The following LRRTM3 variants were observed in gnomAD, a reference collection of about 807,000 sequenced individuals.
LRRTM3 encodes the protein leucine-rich repeat transmembrane neuronal protein 3.
Under a neutral mutation model 44.7 loss-of-function variants are expected in LRRTM3, and 24 were observed. That is an observed-to-expected ratio of 0.54 (90% CI 0.39 to 0.76). The LOEUF is 0.76. Among genes scored for constraint, LRRTM3 ranks in the 30% least tolerant of loss-of-function variants. The pLI, the probability that LRRTM3 is intolerant of heterozygous loss-of-function variation, is 0.00. For synonymous variants in LRRTM3, 277 were observed against 278.7 expected (o/e 0.99, Z 0.06); for missense variants, 587 against 702.2 (o/e 0.84, Z 1.85).
Position 66,926,125 on chromosome 10 carries a change from C to T in LRRTM3, c.-459C>T, listed in dbSNP as rs1483946315. 1 of 458,826 alleles carries T rather than the reference C, an allele frequency of 2.2e-6. No homozygotes were observed. The highest frequency in any genetic ancestry group is 4.4e-6 in the Non-Finnish European group (1 of 228,586). 28.4% of individuals were successfully genotyped at this position (458,826 alleles called of 1,614,324 possible). ...GGCTCTCCTGCCTTCTGGGCTCCAA[C>T]GCAGCTCTGTGGCTGAACTGGGTGC... is the stretch of plus-strand genomic sequence containing the variant. On this transcript the variant is annotated 5_prime_UTR_variant, in exon 1 of 3. In the 5' UTR this introduces an upstream ATG that the reference lacks. Coordinates refer to ENST00000361320, the MANE Select transcript of LRRTM3 (RefSeq NM_178011.5).
intron 2 of LRRTM3, among the ~76,000 whole-genome samples, chr10:67,033,859 C>T (rs749749288): frequency 4.6e-5 from 7 of 152,114 alleles, no homozygotes; most frequent in Admixed American, 2.0e-4. Context: ...CAACCTCTGC[C>T]TCCCGGGTTC....
chr10:67,058,742 G>A (rs1855585721), intron 2 of LRRTM3, among the ~76,000 whole-genome samples: 1 of 152,144 alleles, frequency 6.6e-6, no homozygotes, highest in Non-Finnish European at 1.5e-5. Context: ...GTTACCTGTT[G>A]TGTATCTAAG....
chr10:66,929,009 G>A (rs1314031140), intron 2 of LRRTM3, among the ~76,000 whole-genome samples: 1 of 152,204 alleles, frequency 6.6e-6, no homozygotes, highest in Non-Finnish European at 1.5e-5. Flanking sequence ...GATGGTGCTA[G>A]GTTAAAGCAG....
intron 2 of LRRTM3, among the ~76,000 whole-genome samples, chr10:67,058,055 C>G (rs558177364): frequency 3.9e-5 from 6 of 152,128 alleles, no homozygotes; most frequent in Non-Finnish European, 8.8e-5. Context: ...GTCCCCAAGA[C>G]CTGTCATGTC....
rs747974816 is a variant in LRRTM3, at chr10:66,927,269, C to T, written c.353C>T (p.Ser118Phe). 3.7e-6 allele frequency: 6 copies of T among 1,613,790 alleles called. No individual in the cohort carries two copies. Residue 118 changes from serine (S) to phenylalanine (F), a missense_variant, in exon 2 of 3, where the codon TCC becomes TTC. By Grantham distance (155) the Ser-to-Phe change is radical (BLOSUM62 -2). This residue lies in a region of LRRTM3 where 222 missense variants were observed against 323.3 expected (regional missense o/e 0.69). Coordinates refer to ENST00000361320, the MANE Select transcript of LRRTM3 (RefSeq NM_178011.5). This position sits in a 1 kb window ranked among gnomAD's most constrained non-coding sequence, Gnocchi z 4.7. ...AGACTCAAAGAGCTGATTCTTAGTT[C>T]CAATAGAATCTCCTATTTTCTTAAC... Reference protein sequence around the residue: ...IRRLKELILSSNRISYFLNNT... With the variant: ...IRRLKELILSFNRISYFLNNT...
At chr10:66,938,777 G>A (rs1847851947) in intron 2 of LRRTM3, among the ~76,000 whole-genome samples, 1 of 152,156 alleles carries the variant, frequency 6.6e-6, no homozygotes, top group Non-Finnish European at 1.5e-5. Context: ...CCAAAGCTAT[G>A]AACATTTGGA....
Position 67,081,980 on chromosome 10 carries a change from C to T in LRRTM3, c.1537-15607C>T, listed in dbSNP as rs185288067. Among the ~76,000 whole-genome samples, 442 of 152,268 alleles carry T rather than the reference C, an allele frequency of 2.9e-3. 6 individuals are homozygous for T. In the South Asian group the frequency reaches 0.03, roughly 10 times the overall value. ...GTATTCATGTTTTATCTTTGAATTACCAGCACATAACACAGTTCCTGAAAC... is the reference window on the plus strand; with the variant it reads ...GTATTCATGTTTTATCTTTGAATTATCAGCACATAACACAGTTCCTGAAAC... On this transcript the variant is annotated intron_variant, in intron 2 of 2. Coordinates refer to ENST00000361320, the MANE Select transcript of LRRTM3 (RefSeq NM_178011.5).
intron 2 of LRRTM3, among the ~76,000 whole-genome samples, chr10:67,047,800 T>A (rs1248286595): frequency 2.6e-5 from 4 of 152,146 alleles, no homozygotes. Context: ...TATTCCTTAT[T>A]CCATGGTAAC....
At chr10:66,967,555 T>G (rs1435262879) in intron 2 of LRRTM3, among the ~76,000 whole-genome samples, 1 of 152,026 alleles carries the variant, frequency 6.6e-6, no homozygotes, top group East Asian at 1.9e-4. Context: ...GCACCCTCTA[T>G]ACCTTTAAGC....
At chr10:67,040,509 A>G (rs1330682894) in intron 2 of LRRTM3, among the ~76,000 whole-genome samples, 3 of 152,212 alleles carry the variant, frequency 2.0e-5, no homozygotes, top group South Asian at 4.1e-4. Flanking sequence ...CTTCTACCCC[A>G]TGGTGACATT....
At chr10:67,089,638 C>T (rs1248791721) in intron 2 of LRRTM3, among the ~76,000 whole-genome samples, 1 of 151,492 alleles carries the variant, frequency 6.6e-6, no homozygotes, top group Non-Finnish European at 1.5e-5. Context: ...AAGATGGCTA[C>T]CTCATTTGGC....
chr10:67,071,936 ATG>A (rs1410238681), intron 2 of LRRTM3, among the ~76,000 whole-genome samples: 1 of 152,056 alleles, frequency 6.6e-6, no homozygotes, highest in Non-Finnish European at 1.5e-5. Flanking sequence ...GTTCAAGAAT[ATG>A]TGTTTGATTA....
At chr10:67,026,289 T>C (rs1853385573) in intron 2 of LRRTM3, among the ~76,000 whole-genome samples, 1 of 151,964 alleles carries the variant, frequency 6.6e-6, no homozygotes, top group Non-Finnish European at 1.5e-5. Context: ...GAGAAAAAAA[T>C]ACTTATGACC....
At chr10:67,051,391 A>G (rs762221890) in intron 2 of LRRTM3, among the ~76,000 whole-genome samples, 11 of 152,194 alleles carry the variant, frequency 7.2e-5, no homozygotes, top group South Asian at 2.1e-4. Context: ...TTTCCCTTGG[A>G]CATTTTAACA....
intron 2 of LRRTM3, among the ~76,000 whole-genome samples, chr10:67,044,772 C>T (rs1230923007): frequency 6.6e-6 from 1 of 152,104 alleles, no homozygotes; most frequent in Non-Finnish European, 1.5e-5. Flanking sequence ...AAGCATGATT[C>T]AGCCTAGCAC....
chr10:67,033,375 G>A (rs1589635406), intron 2 of LRRTM3, among the ~76,000 whole-genome samples: 1 of 152,034 alleles, frequency 6.6e-6, no homozygotes, highest in South Asian at 2.1e-4. Flanking sequence ...CACAAATCTC[G>A]ATGCTTCTCT....
intron 2 of LRRTM3, among the ~76,000 whole-genome samples, chr10:67,032,528 T>A (rs963508699): frequency 6.6e-6 from 1 of 152,180 alleles, no homozygotes; most frequent in Non-Finnish European, 1.5e-5. Context: ...ACAAATCAGG[T>A]AAAAATACTC....
chr10:66,949,683 A>G (rs1024806979), intron 2 of LRRTM3, among the ~76,000 whole-genome samples: 1 of 152,182 alleles, frequency 6.6e-6, no homozygotes, highest in Non-Finnish European at 1.5e-5. Context: ...TATGTTTCAA[A>G]TGCTTATAGT....
intron 2 of LRRTM3, among the ~76,000 whole-genome samples, chr10:67,080,887 C>A (rs1013348640): frequency 6.8e-6 from 1 of 146,712 alleles, no homozygotes; most frequent in South Asian, 2.1e-4. Flanking sequence ...CCAGCCTGGG[C>A]GAGAGAGCGA....
Sources: allele counts gnomAD v4.1 joint callset (sites outside exome capture counted in the v4.1 genomes callset), GRCh38; gene constraint gnomAD v4.1.1; regional missense constraint gnomAD v4.1.1; non-coding constraint Gnocchi (gnomAD v3.1); transcripts MANE v1.5; gene names NCBI Gene and HGNC (gene_info 2026-07-23, HGNC 2026-07-21).